CA10: variants seen among roughly 807,000 people sequenced by gnomAD.
The protein encoded by CA10 is carbonic anhydrase-related protein 10.
A neutral mutation model predicts 44.2 loss-of-function variants in CA10; 14 were observed. That is an observed-to-expected ratio of 0.32 (90% CI 0.21 to 0.50). The LOEUF is 0.50. CA10 is among the 20% of genes least tolerant of loss of function. The pLI is 0.99. For missense variants in CA10, 350 were observed against 409.7 expected (o/e 0.85, Z 1.26); for synonymous variants, 159 against 141.6 (o/e 1.12, Z -0.87).
At chr17:52,072,238 C>A (rs1411031304) in intron 2 of CA10, 81 bp downstream of exon 2, 2 of 992,572 alleles carry the variant, frequency 2.0e-6, no homozygotes, top group East Asian at 2.6e-5. Flanking sequence ...TCACCTTTTG[C>A]AATGTAAAAT....
intron 2 of CA10, among the ~76,000 whole-genome samples, chr17:51,995,884 T>C (rs1015813070): frequency 2.6e-5 from 4 of 152,104 alleles, no homozygotes; most frequent in African/African-American, 9.6e-5. Flanking sequence ...GTCATTTTTC[T>C]CCTTCTTGAA....
intron 2 of CA10, among the ~76,000 whole-genome samples, chr17:52,021,917 A>T (rs1014474776): frequency 1.9e-4 from 29 of 152,036 alleles, no homozygotes; most frequent in Non-Finnish European, 7.4e-5. Context: ...ATTTTAAAAG[A>T]CTACCAACCA....
In CA10 at chr17:52,014,337, C is replaced by T. The variant is rs867425370; in HGVS notation, c.136+57982G>A. ...AGCCTAGAATCACATGCATTATGTG[C>T]AAAGTTGGAATACGAAGAACGTGGC... On this transcript the variant is annotated intron_variant, in intron 2 of 8. Coordinates refer to ENST00000451037, the MANE Select transcript of CA10 (RefSeq NM_020178.5). Among the ~76,000 whole-genome samples the T allele has an allele frequency of 1.2e-4, 18 of 151,886 alleles. 1 individual carries two copies. The Middle Eastern group carries it at 0.01, about 86-fold the overall frequency.
chr17:52,130,581 G>A (rs1198064718), intron 1 of CA10, among the ~76,000 whole-genome samples: 1 of 152,210 alleles, frequency 6.6e-6, no homozygotes, highest in African/African-American at 2.4e-5. Flanking sequence ...TCACTTATAT[G>A]TGGAACGTAA....
intron 1 of CA10, among the ~76,000 whole-genome samples, chr17:52,132,302 G>A (rs2143352795): frequency 6.6e-6 from 1 of 152,250 alleles, no homozygotes; most frequent in African/African-American, 2.4e-5. Context: ...TGGTTTGACT[G>A]GAGAGGCACT....
intron 3 of CA10, among the ~76,000 whole-genome samples, chr17:51,872,856 T>C (rs889809873): frequency 2.6e-5 from 4 of 152,240 alleles, no homozygotes; most frequent in African/African-American, 9.6e-5. Flanking sequence ...ACCAAGTATG[T>C]AACTCTAAAT....
Position 52,090,814 on chromosome 17 carries a change from G to A in CA10, c.62-18421C>T, listed in dbSNP as rs144103647. 4.4e-3 allele frequency among the ~76,000 whole-genome samples: 664 copies of A among 152,210 alleles called. 5 individuals are homozygous for A. The highest frequency in any genetic ancestry group is 0.015 in the African/African-American group (625 of 41,538). ...ACCCCTACATGAGATGAACTGGAAC[G>A]TGGTGTAAAACTGGGTTACAGATCT... On this transcript the variant is annotated intron_variant, in intron 1 of 8. Coordinates refer to ENST00000451037, the MANE Select transcript of CA10 (RefSeq NM_020178.5).
At chr17:51,926,645 GC>G (rs1483739007) in intron 3 of CA10, among the ~76,000 whole-genome samples, 1 of 152,096 alleles carries the variant, frequency 6.6e-6, no homozygotes, top group Admixed American at 6.6e-5. Flanking sequence ...TTGGCTCATG[GC>G]CCTGTGTCAC....
intron 3 of CA10, among the ~76,000 whole-genome samples, chr17:51,874,242 A>C (rs1032160654): frequency 7.2e-5 from 11 of 152,178 alleles, no homozygotes; most frequent in African/African-American, 2.2e-4. Context: ...GGCCAGGACT[A>C]TGTGGTATAT....
intron 4 of CA10, among the ~76,000 whole-genome samples, chr17:51,723,998 T>C (rs1315901189): frequency 6.6e-6 from 1 of 151,708 alleles, no homozygotes; most frequent in African/African-American, 2.4e-5. Flanking sequence ...CTCCCAACGG[T>C]GCTGCAGGGC....
At chr17:51,706,754 T>G (rs1373196985) in intron 4 of CA10, among the ~76,000 whole-genome samples, 1 of 152,136 alleles carries the variant, frequency 6.6e-6, no homozygotes, top group Admixed American at 6.5e-5. Flanking sequence ...ATGCACTCTC[T>G]CCTAACACAT....
intron 4 of CA10, among the ~76,000 whole-genome samples, chr17:51,713,186 C>T (rs1196350802): frequency 1.3e-5 from 2 of 152,330 alleles, no homozygotes; most frequent in East Asian, 3.9e-4. Flanking sequence ...GGAGCTGCTA[C>T]TCAAGATGAT....
intron 1 of CA10, among the ~76,000 whole-genome samples, chr17:52,083,017 T>C (rs1237571159): frequency 1.3e-5 from 2 of 152,164 alleles, no homozygotes; most frequent in East Asian, 3.8e-4. Flanking sequence ...CATGCCTAGG[T>C]TCATGCAGCC....
At chr17:52,132,767 A>G (rs1013334207) in intron 1 of CA10, among the ~76,000 whole-genome samples, 1 of 152,128 alleles carries the variant, frequency 6.6e-6, no homozygotes, top group Non-Finnish European at 1.5e-5. Context: ...GTATAGGTTA[A>G]CACAATAGAA....
At chr17:52,027,497 A>C (rs1986336855) in intron 2 of CA10, among the ~76,000 whole-genome samples, 1 of 152,144 alleles carries the variant, frequency 6.6e-6, no homozygotes, top group Non-Finnish European at 1.5e-5. Context: ...AATTATCTGA[A>C]GTCTGCCCCA....
intron 3 of CA10, among the ~76,000 whole-genome samples, chr17:51,916,171 A>T (rs1329676855): frequency 1.3e-5 from 2 of 152,140 alleles, no homozygotes; most frequent in Non-Finnish European, 2.9e-5. Context: ...GCTGGTTGCC[A>T]CCTGGGTTGT....
chr17:51,635,766 TA>T, intron 7 of CA10, 88 bp downstream of exon 7: 1 of 1,027,870 alleles, frequency 9.7e-7, no homozygotes, highest in Non-Finnish European at 1.4e-6. Flanking sequence ...GTGGTCCTAG[TA>T]AACTATTATA....
chr17:51,813,023 T>C (rs971809940), intron 3 of CA10, among the ~76,000 whole-genome samples: 1 of 152,216 alleles, frequency 6.6e-6, no homozygotes, highest in African/African-American at 2.4e-5. Flanking sequence ...AAAAGTTCAA[T>C]TGGCATTAAA....
chr17:52,097,057 C>A (rs1308056631), intron 1 of CA10, among the ~76,000 whole-genome samples: 1 of 152,092 alleles, frequency 6.6e-6, no homozygotes, highest in East Asian at 1.9e-4. Flanking sequence ...TTAAATTATG[C>A]TGCAATGAAT....
Sources: allele counts gnomAD v4.1 joint callset (sites outside exome capture counted in the v4.1 genomes callset), GRCh38; gene constraint gnomAD v4.1.1; transcripts MANE v1.5; gene names NCBI Gene and HGNC (gene_info 2026-07-23, HGNC 2026-07-21).